The following TGFBR3 variants were observed in gnomAD, a reference collection of about 807,000 sequenced individuals.
The protein encoded by TGFBR3 is transforming growth factor beta receptor 3.
A neutral mutation model predicts 87.9 loss-of-function variants in TGFBR3; 46 were observed. The observed-to-expected ratio is 0.52, with a 90% CI of 0.41 to 0.67. The LOEUF is 0.67. TGFBR3 is among the 30% of genes least tolerant of loss of function. TGFBR3 has a pLI of 0.00. For missense variants in TGFBR3, 866 were observed against 1,041.9 expected, an observed-to-expected ratio of 0.83 and a Z score of 2.32; for synonymous variants, 381 against 391.6, an observed-to-expected ratio of 0.97 and a Z score of 0.32.
At chr1:91,816,339 C>A (rs915280613) in intron 2 of TGFBR3, among the ~76,000 whole-genome samples, 6 of 152,244 alleles carry the variant, frequency 3.9e-5, no homozygotes, top group African/African-American at 1.4e-4. Flanking sequence ...TGAGCCTGGT[C>A]TTTGAGAAAA....
In TGFBR3 at chr1:91,728,681, C is replaced by G. The variant is rs1280374357; in HGVS notation, c.738-875G>C. ...CCTATTCCCATTCCCTTTTCACTTT[C>G]TACAAAATTCTTCAAGTGGCCAGAG... On this transcript the variant is annotated intron_variant, in intron 6 of 16. Transcript: ENST00000212355. 5.9e-5 allele frequency among the ~76,000 whole-genome samples: 9 copies of G among 152,202 alleles called. No individual in the cohort carries two copies. The South Asian group carries it at 1.7e-3, about 28-fold the overall frequency.
intron 4 of TGFBR3, among the ~76,000 whole-genome samples, chr1:91,735,341 T>C (rs1442767268): frequency 6.6e-6 from 1 of 152,204 alleles, no homozygotes; most frequent in Non-Finnish European, 1.5e-5. Flanking sequence ...TATAAAAAGC[T>C]TCAGGATCAA....
At chr1:91,849,897 A>G (rs1677653930) in intron 2 of TGFBR3, among the ~76,000 whole-genome samples, 1 of 152,050 alleles carries the variant, frequency 6.6e-6, no homozygotes, top group Admixed American at 6.6e-5. Flanking sequence ...CCTGGCTAAC[A>G]CGGTGAAACC....
intron 3 of TGFBR3, among the ~76,000 whole-genome samples, chr1:91,784,350 T>A (rs1674881320): frequency 6.6e-6 from 1 of 152,178 alleles, no homozygotes; most frequent in Non-Finnish European, 1.5e-5. Flanking sequence ...CTTTCAGTTA[T>A]ACTCTAAATA....
intron 3 of TGFBR3, among the ~76,000 whole-genome samples, chr1:91,778,981 T>A (rs1484958929): frequency 6.6e-6 from 1 of 151,998 alleles, no homozygotes; most frequent in Non-Finnish European, 1.5e-5. Flanking sequence ...CTGGGAGAAG[T>A]ACTTCAGGCA....
rs574010363 is a variant in TGFBR3 at position 91,717,083 on chromosome 1, C to T, written c.1567-375G>A. Among the ~76,000 whole-genome samples the T allele has an allele frequency of 7.2e-5, 11 of 152,244 alleles. 1 individual carries two copies. The highest frequency in any genetic ancestry group is 2.2e-4 in the African/African-American group (9 of 41,520). ...GCCTATACCGTGAGAAGGGGCTTCC[C>T]CTTAAGAGTCTTTATATTATAAACT... On this transcript the variant is annotated intron_variant, in intron 10 of 16. Coordinates refer to ENST00000212355, the MANE Select transcript of TGFBR3 (RefSeq NM_003243.5).
intron 1 of TGFBR3, among the ~76,000 whole-genome samples, chr1:91,878,345 A>G (rs971732721): frequency 1.3e-5 from 2 of 152,168 alleles, no homozygotes; most frequent in Non-Finnish European, 2.9e-5. Flanking sequence ...TTATAAAATG[A>G]AATTTCCAAA....
rs1370523522 is a variant in TGFBR3, at chr1:91,698,130, T to G, written c.2288A>C (p.Glu763Ala). The change falls in exon 15 of 17, where the codon GAA becomes GCA. Residue 763 changes from glutamate to alanine, a missense_variant and splice_region_variant. Coordinates refer to ENST00000212355, the MANE Select transcript of TGFBR3 (RefSeq NM_003243.5). ...AVIHHEAESK[E>A]KGPSMKEPNP... ...TGGTTCCTTCATGCTTGGACCTTTT[T>G]CTGAAACAAAAACATAAATCACAAT... is the stretch of plus-strand genomic sequence containing the variant. 6.2e-7 allele frequency: 1 copy of G among 1,613,696 alleles called. No individual in the cohort carries two copies. The highest frequency in any genetic ancestry group is 8.5e-7 in the Non-Finnish European group (1 of 1,179,624).
intron 2 of TGFBR3, among the ~76,000 whole-genome samples, chr1:91,815,409 AAG>A (rs1676186801): frequency 6.6e-6 from 1 of 152,090 alleles, no homozygotes; most frequent in African/African-American, 2.4e-5. Flanking sequence ...GGCATTTGAG[AAG>A]TGTTTAATTA....
At chr1:91,831,237 A>C (rs889190973) in intron 2 of TGFBR3, among the ~76,000 whole-genome samples, 1 of 152,132 alleles carries the variant, frequency 6.6e-6, no homozygotes, top group African/African-American at 2.4e-5. Context: ...AAAAAAAAAA[A>C]CTGCACTATA....
At position 91,766,295 on chromosome 1, in the gene TGFBR3, C is replaced by T. The variant is rs1674184651; in HGVS notation, c.247-7545G>A. On this transcript the variant is annotated intron_variant, in intron 3 of 16. Coordinates refer to ENST00000212355, the MANE Select transcript of TGFBR3 (RefSeq NM_003243.5). ...AAGCAATCCTCCCACCTCAGCCTCT[C>T]AAAATGCTGGGATTACAGGTGTGAG... The T allele has an allele frequency of 2.0e-5, 3 of 150,198 alleles. No homozygotes were observed. The Admixed American group carries it at 2.0e-4, about 10-fold the overall frequency. 9.3% of individuals were successfully genotyped at this position (150,198 alleles called of 1,614,324 possible).
intron 4 of TGFBR3, among the ~76,000 whole-genome samples, chr1:91,738,436 C>T (rs755452828): frequency 3.9e-4 from 60 of 152,264 alleles, no homozygotes; most frequent in Non-Finnish European, 3.1e-4. Context: ...CTTAGGCCAT[C>T]CCCTTGGTAA....
rs58198708 is a variant in TGFBR3 at position 91,767,043 on chromosome 1, A to G, written c.247-8293T>C. 2.7e-3 allele frequency among the ~76,000 whole-genome samples: 358 copies of G among 134,464 alleles called. 80 individuals are homozygous for G. Among genetic ancestry groups the G allele is most frequent in the African/African-American group, 9.8e-3 (352 of 35,964 alleles). 88.2% of individuals were successfully genotyped at this position (134,464 alleles called of 152,430 possible). A position where few individuals can be genotyped will look rare whatever the true frequency, so the allele number is the denominator to read the frequency against. On this transcript the variant is annotated intron_variant, in intron 3 of 16. Coordinates refer to ENST00000212355, the MANE Select transcript of TGFBR3 (RefSeq NM_003243.5). Reference sequence around the variant, plus strand: ...TTTCCCCCAGTTCAGCAGCTGTACAATTAAACCTCTGTCTCTGCTGCAACC... The same window carrying G: ...TTTCCCCCAGTTCAGCAGCTGTACAGTTAAACCTCTGTCTCTGCTGCAACC...
intron 1 of TGFBR3, among the ~76,000 whole-genome samples, chr1:91,873,049 G>A (rs1021414411): frequency 6.6e-6 from 1 of 151,688 alleles, no homozygotes; most frequent in Non-Finnish European, 1.5e-5. Context: ...CTGCAGCCTC[G>A]AACTCCTTGG....
chr1:91,715,289 G>A (rs1054447126), intron 12 of TGFBR3, among the ~76,000 whole-genome samples: 3 of 152,184 alleles, frequency 2.0e-5, no homozygotes, highest in African/African-American at 4.8e-5. Flanking sequence ...TTGATAAGAC[G>A]TTATGTTTTC....
intron 3 of TGFBR3, among the ~76,000 whole-genome samples, chr1:91,759,589 G>A (rs1673884754): frequency 6.6e-6 from 1 of 152,090 alleles, no homozygotes; most frequent in Non-Finnish European, 1.5e-5. Context: ...ATGAACATAG[G>A]AGAACAAAGG....
chr1:91,801,934 G>A (rs1007987329), intron 2 of TGFBR3, among the ~76,000 whole-genome samples: 3 of 152,142 alleles, frequency 2.0e-5, no homozygotes, highest in Non-Finnish European at 4.4e-5. Flanking sequence ...TTTGCAAGGG[G>A]TACAGAATGT....
At chr1:91,732,361 C>A (rs1171352731) in intron 5 of TGFBR3, among the ~76,000 whole-genome samples, 3 of 152,170 alleles carry the variant, frequency 2.0e-5, no homozygotes, top group Non-Finnish European at 4.4e-5. Flanking sequence ...GAAACACTGA[C>A]TGCTGGGTCC....
intron 3 of TGFBR3, among the ~76,000 whole-genome samples, chr1:91,766,115 A>C (rs987668689): frequency 6.6e-6 from 1 of 151,180 alleles, no homozygotes; most frequent in Non-Finnish European, 1.5e-5. Flanking sequence ...GTAACCTTCA[A>C]CTCCTCAAGT....
Sources: gnomAD v4.1 joint callset for allele counts (sites outside exome capture counted in the v4.1 genomes callset) on GRCh38, gnomAD v4.1.1 for gene constraint, MANE v1.5 for transcripts, NCBI Gene and HGNC (gene_info 2026-07-23, HGNC 2026-07-21) for gene names.